Variants in PCNX4 observed in about 807,000 individuals in gnomAD.
PCNX4 encodes pecanex 4, also known as pecanex-like protein 4.
In PCNX4, 103 loss-of-function variants were observed where a neutral mutation model predicts 107.2. That is an observed-to-expected ratio of 0.96 (90% CI 0.82 to 1.13). PCNX4 has a LOEUF of 1.13. PCNX4 is among the 50% of genes most tolerant of loss of function. PCNX4 has a pLI of 0.00. For synonymous variants in PCNX4, 541 were observed against 481.7 expected, an observed-to-expected ratio of 1.12 and a Z score of -1.61; for missense variants, 1,528 against 1,379.4, an observed-to-expected ratio of 1.11 and a Z score of -1.71.
chr14:60,100,594 C>T (rs1363520246), intron 1 of PCNX4, among the ~76,000 whole-genome samples: 1 of 152,164 alleles, frequency 6.6e-6, no homozygotes, highest in Non-Finnish European at 1.5e-5. Context: ...CCACCGTGCC[C>T]TCCGTAATTA....
chr14:60,124,693 A>G lies in PCNX4; in HGVS notation c.2522A>G (p.His841Arg). Residue 841 changes from histidine to arginine, a missense_variant, in exon 9 of 11, where the codon CAT (histidine) becomes CGT (arginine). His to Arg is a conservative substitution (Grantham distance 29, BLOSUM62 0). Coordinates refer to ENST00000406854, the MANE Select transcript of PCNX4 (RefSeq NM_001330177.2). ...ATCAAAAAAGTAATAGAAGAAAAACATCAGTTGAAAGATTTGCCAGGTACA... is the reference window on the plus strand; with the variant it reads ...ATCAAAAAAGTAATAGAAGAAAAACGTCAGTTGAAAGATTTGCCAGGTACA... ...PTIKKVIEEK[H>R]QLKDLPGTNL... 6.2e-7 allele frequency: 1 copy of G among 1,613,330 alleles called. No individual in the cohort carries two copies. The highest frequency in any genetic ancestry group is 1.3e-5 in the African/African-American group (1 of 75,022).
intron 1 of PCNX4, among the ~76,000 whole-genome samples, chr14:60,105,067 C>T (rs1895604991): frequency 6.6e-6 from 1 of 151,964 alleles, no homozygotes; most frequent in African/African-American, 2.4e-5. Context: ...ATTCGAAATC[C>T]AAAAATCAGA....
intron 7 of PCNX4, among the ~76,000 whole-genome samples, chr14:60,119,639 T>A (rs369091335): frequency 1.4e-4 from 22 of 152,206 alleles, no homozygotes; most frequent in African/African-American, 4.8e-4. Context: ...CCAGTGTTAA[T>A]TAATTTTCAT....
At chr14:60,118,181 A>G in intron 6 of PCNX4, 148 bp from the exon 7 acceptor site, 1 of 1,251,718 alleles carries the variant, frequency 8.0e-7, no homozygotes. Flanking sequence ...GGTTGGAGAA[A>G]ATTAACAAAA....
Position 60,138,169 on chromosome 14 carries a change from T to C in PCNX4, c.*3948T>C, listed in dbSNP as rs1056155761. 2 of 150,586 alleles carry C rather than the reference T, an allele frequency of 1.3e-5. No individual in the cohort carries two copies. The highest frequency in any genetic ancestry group is 4.9e-5 in the African/African-American group (2 of 41,026). 9.3% of individuals were successfully genotyped at this position (150,586 alleles called of 1,614,324 possible). ...TACAGTGAAGTAAGAATTAGTGAAC[T>C]AGAAGTTATGTCAGAAGTAAATACC... On this transcript the variant is annotated 3_prime_UTR_variant, in exon 11 of 11. Coordinates refer to ENST00000406854, the MANE Select transcript of PCNX4 (RefSeq NM_001330177.2).
chr14:60,118,291 T>C, intron 6 of PCNX4, 38 bp from the exon 7 acceptor site: 1 of 1,501,906 alleles, frequency 6.7e-7, no homozygotes, highest in Non-Finnish European at 8.9e-7. Context: ...TGAAAAATCT[T>C]CTAAGGATAA....
At chr14:60,100,871 GAAAAATCCACATTCTATAATGAGTC>G (rs1895518383) in intron 1 of PCNX4, among the ~76,000 whole-genome samples, 1 of 152,152 alleles carries the variant, frequency 6.6e-6, no homozygotes, top group Non-Finnish European at 1.5e-5. Flanking sequence ...TCTCTTGTGG[GAAAAATCCACATTCTATAATGAGTC>G]CCCTTTCCCC....
In PCNX4 at chr14:60,117,217, ACTCAC is replaced by A. The variant is rs1895866502; in HGVS notation, c.1579-1111_1579-1107del. Among the ~76,000 whole-genome samples, 3 of 152,290 alleles carry A rather than the reference ACTCAC, an allele frequency of 2.0e-5. No homozygotes were observed. In the South Asian group the frequency reaches 6.2e-4, roughly 32 times the overall value. ...CTTCACATTCATTCACCACTCACTC[ACTCAC>A]TTAGAGCAACTTCTAGTGCTGCAAG... is the stretch of plus-strand genomic sequence containing the variant. On this transcript the variant is annotated intron_variant, in intron 6 of 10. Transcript: ENST00000406854.
intron 1 of PCNX4, among the ~76,000 whole-genome samples, chr14:60,093,407 C>A (rs141327533): frequency 5.0e-4 from 76 of 152,268 alleles, no homozygotes; most frequent in Non-Finnish European, 7.6e-4. Flanking sequence ...TGTTTTCTGT[C>A]CCCATAAATT....
At chr14:60,100,306 T>G (rs1042075689) in intron 1 of PCNX4, among the ~76,000 whole-genome samples, 2 of 152,202 alleles carry the variant, frequency 1.3e-5, no homozygotes, top group African/African-American at 4.8e-5. Flanking sequence ...AATTTTGTTT[T>G]TTAATTTTTG....
intron 7 of PCNX4, among the ~76,000 whole-genome samples, chr14:60,119,174 A>G (rs1042116104): frequency 6.6e-6 from 1 of 152,200 alleles, no homozygotes; most frequent in Non-Finnish European, 1.5e-5. Flanking sequence ...AGATAACATA[A>G]AAACTTCGGT....
intron 10 of PCNX4, among the ~76,000 whole-genome samples, chr14:60,127,783 C>T (rs1485946086): frequency 6.6e-6 from 1 of 152,118 alleles, no homozygotes; most frequent in African/African-American, 2.4e-5. Context: ...CCAGGCTTGC[C>T]TGTAAGAGGG....
At position 60,135,599 on chromosome 14, in the gene PCNX4, C is replaced by T. The variant is rs1896229427; in HGVS notation, c.*1378C>T. On this transcript the variant is annotated 3_prime_UTR_variant, in exon 11 of 11. Coordinates refer to ENST00000406854, the MANE Select transcript of PCNX4 (RefSeq NM_001330177.2). ...ATGGAATCTCGCTCTGTCACCCAGG[C>T]TGGGGTGCAGTGGCACGATCTCAGC... 1 of 151,968 alleles carries T rather than the reference C, an allele frequency of 6.6e-6. No homozygotes were observed. Among genetic ancestry groups the T allele is most frequent in the Admixed American group, 6.6e-5 (1 of 15,252 alleles). The allele number at this position is 151,968 out of a possible 1,614,324, so 9.4% of individuals were successfully genotyped here.
intron 1 of PCNX4, among the ~76,000 whole-genome samples, chr14:60,104,865 A>G (rs1474037430): frequency 1.3e-5 from 2 of 152,218 alleles, no homozygotes; most frequent in Non-Finnish European, 2.9e-5. Context: ...GAAACAGCCA[A>G]ACCGTATCAG....
At chr14:60,121,164 T>TTC in intron 7 of PCNX4, 32 bp from the exon 8 acceptor site, 1 of 1,386,192 alleles carries the variant, frequency 7.2e-7, no homozygotes, top group African/African-American at 1.5e-5. Context: ...TGATTTTCTT[T>TTC]TTTTTTTTTT....
chr14:60,122,676 C>T (rs1895977732), intron 8 of PCNX4, among the ~76,000 whole-genome samples: 1 of 152,108 alleles, frequency 6.6e-6, no homozygotes. Context: ...CTGGTGATTA[C>T]CCATGTCCCT....
chr14:60,112,909 C>T (rs542762219), intron 2 of PCNX4, among the ~76,000 whole-genome samples: 26 of 152,302 alleles, frequency 1.7e-4, no homozygotes, highest in African/African-American at 6.3e-4. Context: ...TTGGTCCAGG[C>T]GCGGTGGCTC....
chr14:60,127,718 A>G (rs981528429), intron 10 of PCNX4, among the ~76,000 whole-genome samples: 1 of 152,228 alleles, frequency 6.6e-6, no homozygotes, highest in East Asian at 1.9e-4. Context: ...AAAAGTTGAG[A>G]TATGCAAAGA....
chr14:60,112,329 G>A (rs1234343602), intron 2 of PCNX4, among the ~76,000 whole-genome samples: 1 of 151,974 alleles, frequency 6.6e-6, no homozygotes, highest in Non-Finnish European at 1.5e-5. Context: ...TAGCTGTTAG[G>A]TTCCAAACTA....
Sources: gnomAD v4.1 joint callset for allele counts (sites outside exome capture counted in the v4.1 genomes callset) on GRCh38, gnomAD v4.1.1 for gene constraint, MANE v1.5 for transcripts, NCBI Gene and HGNC (gene_info 2026-07-23, HGNC 2026-07-21) for gene names.